The following C1QTNF7 variants were observed in gnomAD, a reference collection of about 807,000 sequenced individuals.
The protein encoded by C1QTNF7 is C1q and TNF related 7.
A neutral mutation model predicts 19.6 loss-of-function variants in C1QTNF7; 15 were observed. The ratio of observed to expected loss-of-function variants is 0.76; its 90% CI spans 0.51 to 1.18. The LOEUF is 1.18. C1QTNF7 is among the 50% of genes most tolerant of loss of function. The pLI, the probability that C1QTNF7 is intolerant of heterozygous loss-of-function variation, is 0.00. For synonymous variants in C1QTNF7, 142 were observed against 137.5 expected (o/e 1.03, Z -0.23); for missense variants, 324 against 359.7 (o/e 0.90, Z 0.80).
intron 2 of C1QTNF7, among the ~76,000 whole-genome samples, chr4:15,439,593 C>G (rs1388018174): frequency 6.6e-6 from 1 of 152,066 alleles, no homozygotes; most frequent in Non-Finnish European, 1.5e-5. Context: ...CATTTAAAAC[C>G]CAGAAAAGAA....
At chr4:15,353,285 T>C (rs1716998190) in intron 1 of C1QTNF7, among the ~76,000 whole-genome samples, 1 of 152,160 alleles carries the variant, frequency 6.6e-6, no homozygotes, top group Non-Finnish European at 1.5e-5. Context: ...TCAAGTTCAT[T>C]CCAGGACAAG....
At chr4:15,348,469 T>C (rs1351791782) in intron 1 of C1QTNF7, among the ~76,000 whole-genome samples, 1 of 152,182 alleles carries the variant, frequency 6.6e-6, no homozygotes, top group African/African-American at 2.4e-5. Flanking sequence ...CTCAGAGATA[T>C]GTTATCAGCA....
intron 2 of C1QTNF7, among the ~76,000 whole-genome samples, chr4:15,440,636 G>C (rs1411369992): frequency 6.6e-6 from 1 of 152,044 alleles, no homozygotes; most frequent in Non-Finnish European, 1.5e-5. Flanking sequence ...TTGATCTGCG[G>C]ACCTCGTTAT....
chr4:15,349,316 G>A (rs889212267), intron 1 of C1QTNF7, among the ~76,000 whole-genome samples: 1 of 151,902 alleles, frequency 6.6e-6, no homozygotes, highest in African/African-American at 2.4e-5. Flanking sequence ...CTCACCTCCC[G>A]CTCACTCTAA....
At chr4:15,367,245 T>C (rs1204170051) in intron 1 of C1QTNF7, among the ~76,000 whole-genome samples, 3 of 152,202 alleles carry the variant, frequency 2.0e-5, no homozygotes, top group African/African-American at 7.2e-5. Flanking sequence ...GTCTTCTAAA[T>C]TATACTTTTG....
At position 15,442,625 on chromosome 4, in the gene C1QTNF7, G is replaced by A. The variant is rs759368139; in HGVS notation, c.696G>A (p.Ser232=). 8.7e-6 allele frequency: 14 copies of A among 1,614,036 alleles called. No homozygotes were observed. The East Asian group carries it at 1.8e-4, about 21-fold the overall frequency. Residue 232 remains serine (S), a synonymous_variant, in exon 3 of 3, where the codon TCG becomes TCA. Transcript: ENST00000444304. The stretch of plus-strand genomic sequence containing the variant: ...ACACAGGAAACCATGATGTGGCTTC[G>A]GGGTCCACAGTCATCTATCTGCAGC... The part of the protein sequence containing the change: ...DANTGNHDVA[S]GSTVIYLQPE...
At chr4:15,349,053 G>A (rs542766075) in intron 1 of C1QTNF7, among the ~76,000 whole-genome samples, 193 of 152,284 alleles carry the variant, frequency 1.3e-3, no homozygotes, top group African/African-American at 4.4e-3. Flanking sequence ...GCCCACCATC[G>A]GTTAGAAGTG....
chr4:15,412,602 C>T, intron 1 of C1QTNF7, among the ~76,000 whole-genome samples: 1 of 152,176 alleles, frequency 6.6e-6, no homozygotes, highest in East Asian at 1.9e-4. Flanking sequence ...AACCAGCCCA[C>T]CTCAAGACTC....
intron 1 of C1QTNF7, among the ~76,000 whole-genome samples, chr4:15,415,937 T>C (rs1719589891): frequency 6.6e-6 from 1 of 152,228 alleles, no homozygotes; most frequent in South Asian, 2.1e-4. Context: ...AACTAATCTT[T>C]AATTATAGAA....
At chr4:15,398,926 C>T (rs1164924067) in intron 1 of C1QTNF7, among the ~76,000 whole-genome samples, 2 of 152,116 alleles carry the variant, frequency 1.3e-5, no homozygotes, top group Admixed American at 1.3e-4. Flanking sequence ...TCTCGCATTG[C>T]CTCTCCCCTG....
At chr4:15,429,040 G>C (rs1036422697) in intron 1 of C1QTNF7, among the ~76,000 whole-genome samples, 1 of 152,140 alleles carries the variant, frequency 6.6e-6, no homozygotes, top group Non-Finnish European at 1.5e-5. Context: ...TTTCATGCCT[G>C]TGTGGACTTG....
intron 1 of C1QTNF7, among the ~76,000 whole-genome samples, chr4:15,398,173 A>G (rs967924478): frequency 6.6e-6 from 1 of 152,188 alleles, no homozygotes; most frequent in African/African-American, 2.4e-5. Flanking sequence ...TCATGACTGA[A>G]ATATGGCCCT....
chr4:15,414,447 T>C (rs570248509), intron 1 of C1QTNF7, among the ~76,000 whole-genome samples: 19 of 152,292 alleles, frequency 1.2e-4, no homozygotes, highest in Admixed American at 6.5e-4. Flanking sequence ...CATCTCATAG[T>C]TCTGCAGCTT....
chr4:15,346,103 T>C (rs1035355749), intron 1 of C1QTNF7, among the ~76,000 whole-genome samples: 2 of 152,252 alleles, frequency 1.3e-5, no homozygotes, highest in African/African-American at 4.8e-5. Flanking sequence ...AGAGAATTTC[T>C]TAATGAAATT....
chr4:15,402,982 CTG>C (rs1180918527), intron 1 of C1QTNF7, among the ~76,000 whole-genome samples: 2 of 107,650 alleles, frequency 1.9e-5, no homozygotes, highest in African/African-American at 7.0e-5. Flanking sequence ...TTGCTTTTTT[CTG>C]TTTTTTTTTT....
At chr4:15,395,867 C>T (rs1718762573) in intron 1 of C1QTNF7, among the ~76,000 whole-genome samples, 1 of 152,070 alleles carries the variant, frequency 6.6e-6, no homozygotes, top group Non-Finnish European at 1.5e-5. Flanking sequence ...GTCATCTGGC[C>T]AGTCAGTGGT....
At chr4:15,345,989 A>C (rs934661232) in intron 1 of C1QTNF7, among the ~76,000 whole-genome samples, 2 of 152,048 alleles carry the variant, frequency 1.3e-5, no homozygotes, top group African/African-American at 2.4e-5. Context: ...TGTCACAGGG[A>C]CTCTCAGAAA....
upstream of C1QTNF7, among the ~76,000 whole-genome samples, chr4:15,424,282 T>C (rs185200939): frequency 5.3e-5 from 8 of 152,302 alleles, no homozygotes; most frequent in East Asian, 1.3e-3. Flanking sequence ...TCTTCCCCCA[T>C]CTCCTGCCAC....
At chr4:15,393,554 A>T (rs923159375) in intron 1 of C1QTNF7, among the ~76,000 whole-genome samples, 5 of 152,234 alleles carry the variant, frequency 3.3e-5, no homozygotes. Flanking sequence ...TATTCTGGAA[A>T]TGTGAAGTAG....
Sources: allele counts gnomAD v4.1 joint callset (sites outside exome capture counted in the v4.1 genomes callset), GRCh38; gene constraint gnomAD v4.1.1; transcripts MANE v1.5; gene names NCBI Gene and HGNC (gene_info 2026-07-23, HGNC 2026-07-21).